Variants in FAAH2 observed in about 807,000 individuals in gnomAD.
FAAH2 encodes fatty acid amide hydrolase 2.
A neutral mutation model predicts 36.9 loss-of-function variants in FAAH2; 60 were observed. That is an observed-to-expected ratio of 1.63 (90% CI 1.32 to 2.02). FAAH2 has a LOEUF of 2.02. Among genes scored for constraint, FAAH2 ranks in the 30% most tolerant of loss-of-function variants. The pLI is 0.00. For synonymous variants in FAAH2, 214 were observed against 143.8 expected (o/e 1.49, Z -3.49); for missense variants, 689 against 397.5 (o/e 1.73, Z -6.23).
intron 7 of FAAH2, among the ~76,000 whole-genome samples, chrX:57,397,949 C>A (rs755069501): frequency 2.8e-5 from 3 of 107,323 alleles, no homozygotes; most frequent in East Asian, 5.9e-4. Flanking sequence ...TGAGAACATG[C>A]GGTGTTTGGT....
At chrX:57,379,522 GTCTC>G (rs2054780828) in intron 6 of FAAH2, among the ~76,000 whole-genome samples, 1 of 90,833 alleles carries the variant, frequency 1.1e-5, no homozygotes, top group African/African-American at 4.8e-5. Context: ...CTCTCTCTCT[GTCTC>G]TCTCGCTCTC....
intron 10 of FAAH2, among the ~76,000 whole-genome samples, chrX:57,469,083 G>A (rs1425166125): frequency 8.9e-6 from 1 of 111,749 alleles, no homozygotes; most frequent in Non-Finnish European, 1.9e-5. Flanking sequence ...TGACCTACAA[G>A]AGCTCCTGAA....
intron 7 of FAAH2, among the ~76,000 whole-genome samples, chrX:57,425,712 G>A (rs1474141715): frequency 9.0e-6 from 1 of 111,414 alleles, no homozygotes; most frequent in Non-Finnish European, 1.9e-5. Flanking sequence ...TGCTGACAGA[G>A]TTCTAAATAA....
At chrX:57,300,013 T>C (rs1163740821) in intron 2 of FAAH2, among the ~76,000 whole-genome samples, 1 of 111,432 alleles carries the variant, frequency 9.0e-6, no homozygotes, top group African/African-American at 3.3e-5. Flanking sequence ...ATCAATATCA[T>C]GAAAATGGCC....
In FAAH2 at chrX:57,355,621, T is replaced by G. The variant is rs181545386; in HGVS notation, c.742+14231T>G. Among the ~76,000 whole-genome samples the G allele has an allele frequency of 3.5e-3, 390 of 110,662 alleles. 2 individuals are homozygous for G. The highest frequency in any genetic ancestry group is 0.012 in the African/African-American group (370 of 30,292). The stretch of plus-strand genomic sequence containing the variant: ...CATTATTAGTTCATTGAAGTGTAAC[T>G]GATTTATTTTTTTTTAATAACTATT... On this transcript the variant is annotated intron_variant, in intron 5 of 10. Coordinates refer to ENST00000374900, the MANE Select transcript of FAAH2 (RefSeq NM_174912.4).
intron 5 of FAAH2, among the ~76,000 whole-genome samples, chrX:57,358,134 G>T (rs1418780650): frequency 2.8e-5 from 3 of 105,312 alleles, no homozygotes; most frequent in East Asian, 6.0e-4. Context: ...GAGGTGAAAA[G>T]TTAGGTAGTT....
At chrX:57,363,068 G>T (rs1377898172) in intron 5 of FAAH2, among the ~76,000 whole-genome samples, 2 of 111,461 alleles carry the variant, frequency 1.8e-5, no homozygotes, top group African/African-American at 6.5e-5. Flanking sequence ...GCTTTTCTTG[G>T]TTCCATATGA....
intron 9 of FAAH2, among the ~76,000 whole-genome samples, chrX:57,447,701 A>G (rs1460283498): frequency 9.4e-6 from 1 of 106,070 alleles, no homozygotes; most frequent in Non-Finnish European, 1.9e-5. Context: ...GATTCTAGCC[A>G]TGGCTAGAGG....
the FAAH2 span, among the ~76,000 whole-genome samples, chrX:57,251,131 A>T: frequency 8.9e-6 from 1 of 112,143 alleles, no homozygotes; most frequent in African/African-American, 3.2e-5. Context: ...ATTCAAATGC[A>T]TATTAAAAGG....
intron 7 of FAAH2, among the ~76,000 whole-genome samples, chrX:57,422,285 G>T (rs1002313584): frequency 5.4e-5 from 6 of 111,851 alleles, no homozygotes. Context: ...ATGGGGATGT[G>T]ATGGGAATTA....
the FAAH2 span, among the ~76,000 whole-genome samples, chrX:57,211,442 G>T: frequency 9.0e-6 from 1 of 111,530 alleles, no homozygotes; most frequent in Non-Finnish European, 1.9e-5. Flanking sequence ...ACCCAGCTTT[G>T]CCCTTCCTCC....
intron 7 of FAAH2, among the ~76,000 whole-genome samples, chrX:57,399,738 A>G (rs1196068073): frequency 8.9e-6 from 1 of 112,227 alleles, no homozygotes; most frequent in Admixed American, 9.4e-5. Context: ...GAAGTTAAGA[A>G]TTCCCTTTCT....
At chrX:57,351,807 G>A (rs1176651482) in intron 5 of FAAH2, among the ~76,000 whole-genome samples, 3 of 106,219 alleles carry the variant, frequency 2.8e-5, no homozygotes, top group African/African-American at 1.0e-4. Flanking sequence ...CAACGAATGA[G>A]TAATGAGCCT....
At chrX:57,282,114 T>C (rs769342395), upstream of FAAH2, among the ~76,000 whole-genome samples, 1 of 112,370 alleles carries the variant, frequency 8.9e-6, no homozygotes, top group Non-Finnish European at 1.9e-5. Context: ...CAAATGGTAA[T>C]TCTTCTTTCA....
chrX:57,464,993 C>A (rs1365878902), intron 10 of FAAH2, among the ~76,000 whole-genome samples: 2 of 111,142 alleles, frequency 1.8e-5, no homozygotes, highest in African/African-American at 6.5e-5. Context: ...TTCTAAGAAT[C>A]AAAAGATGGA....
intron 10 of FAAH2, among the ~76,000 whole-genome samples, chrX:57,449,817 C>T (rs1254151662): frequency 9.0e-6 from 1 of 111,087 alleles, no homozygotes; most frequent in African/African-American, 3.3e-5. Context: ...CAGGAGTGTG[C>T]CACCACACCC....
intron 2 of FAAH2, among the ~76,000 whole-genome samples, chrX:57,299,693 A>G (rs2052278650): frequency 8.9e-6 from 1 of 111,787 alleles, no homozygotes; most frequent in African/African-American, 3.3e-5. Context: ...ACATGATTGT[A>G]TATCTAGAAA....
At chrX:57,207,936 G>C in the FAAH2 span, among the ~76,000 whole-genome samples, 2 of 112,861 alleles carry the variant, frequency 1.8e-5, no homozygotes. Flanking sequence ...TGTTTGGAAT[G>C]GGGTCTGGGA....
chrX:57,419,601 G>A (rs1602599107), intron 7 of FAAH2, among the ~76,000 whole-genome samples: 2 of 111,643 alleles, frequency 1.8e-5, no homozygotes, highest in African/African-American at 6.5e-5. Context: ...TGAGTTCATT[G>A]TAGATTCTGG....
Sources: allele counts gnomAD v4.1 joint callset (sites outside exome capture counted in the v4.1 genomes callset), GRCh38; gene constraint gnomAD v4.1.1; transcripts MANE v1.5; gene names NCBI Gene and HGNC (gene_info 2026-07-23, HGNC 2026-07-21).